The following CLTRN variants were observed in gnomAD, a reference collection of about 807,000 sequenced individuals.
CLTRN encodes the protein collectrin, amino acid transport regulator.
CLTRN carries 12 observed loss-of-function variants against 14.5 expected under a neutral mutation model. The observed-to-expected ratio is 0.83, with a 90% CI of 0.53 to 1.34. The LOEUF (loss-of-function observed/expected upper bound fraction) is 1.34, where lower values mean the gene tolerates loss of function less well. Ranked by LOEUF, CLTRN falls within the 40% of genes most tolerant of loss-of-function variation. The pLI is 0.00. For missense variants in CLTRN, 154 were observed against 165.1 expected (o/e 0.93, Z 0.37); for synonymous variants, 58 against 56.5 (o/e 1.03, Z -0.12).
chrX:15,659,064 G>T lies in CLTRN; in HGVS notation c.155C>A (p.Ala52Glu). Reference protein sequence around the residue: ...WDTNEEYLFKAMVAFSMRKVP... With the variant: ...WDTNEEYLFKEMVAFSMRKVP... ...TTTTCTCATGGAGAAAGCTACCATC[G>T]CTTTGAAGAGGTATTCTTCATTGGT... Residue 52 changes from alanine (A) to glutamate (E), a missense_variant, in exon 3 of 6, where the codon GCG becomes GAG. Physicochemically the swap from Ala to Glu is moderately radical, Grantham distance 107. Transcript: ENST00000380342. The T allele has an allele frequency of 8.5e-7, 1 of 1,178,429 alleles. No individual in the cohort carries two copies. The highest frequency in any genetic ancestry group is 1.8e-5 in the South Asian group (1 of 56,010).
Position 15,664,757 on chromosome X carries a change from A to T in CLTRN, c.19T>A (p.Phe7Ile). ...TCAGCATGAATGGCAGTCACCAGAAAAAAGAGCAGCCACAACATTCTTTCA... is the reference window on the plus strand; with the variant it reads ...TCAGCATGAATGGCAGTCACCAGAATAAAGAGCAGCCACAACATTCTTTCA... MLWLLF[F>I]LVTAIHAELC... Residue 7 changes from phenylalanine to isoleucine, a missense_variant, in exon 1 of 6, where the codon TTT (phenylalanine) becomes ATT (isoleucine). Phe to Ile is a conservative substitution (Grantham distance 21). Transcript: ENST00000380342. The T allele has an allele frequency of 8.3e-7, 1 of 1,210,985 alleles. No individual in the cohort carries two copies. Among genetic ancestry groups the T allele is most frequent in the African/African-American group, 1.7e-5 (1 of 57,804 alleles).
At chrX:15,633,269 C>T (rs1038821870) in intron 5 of CLTRN, among the ~76,000 whole-genome samples, 1 of 112,372 alleles carries the variant, frequency 8.9e-6, no homozygotes, top group African/African-American at 3.2e-5. Context: ...TATGCATCAT[C>T]TCACTTAATT....
intron 2 of CLTRN, among the ~76,000 whole-genome samples, 156 bp from the exon 3 acceptor site, chrX:15,659,257 C>T (rs1373784394): frequency 2.7e-5 from 3 of 110,358 alleles, no homozygotes; most frequent in Admixed American, 9.7e-5. Context: ...CTGGAGACCA[C>T]GATAAATTAT....
intron 5 of CLTRN, among the ~76,000 whole-genome samples, chrX:15,630,032 T>C (rs1370579749): frequency 9.0e-6 from 1 of 111,719 alleles, no homozygotes; most frequent in African/African-American, 3.3e-5. Context: ...TTCAACTGTA[T>C]GGGTAGATGA....
intron 1 of CLTRN, chrX:15,674,823 G>T (rs958378542): frequency 2.6e-5 from 3 of 113,257 alleles, no homozygotes; most frequent in African/African-American, 9.6e-5. Context: ...AAAAGTGGGT[G>T]GCCTGGGAAC....
chrX:15,659,329 T>C (rs1462876918), intron 2 of CLTRN, among the ~76,000 whole-genome samples: 1 of 111,315 alleles, frequency 9.0e-6, no homozygotes, highest in Non-Finnish European at 1.9e-5. Flanking sequence ...CCTGTTGCAC[T>C]ATCTTCCTAA....
rs1423505059 is a variant in CLTRN, at chrX:15,627,406, T to C, written c.*565A>G. On this transcript the variant is annotated 3_prime_UTR_variant, in exon 6 of 6. Transcript: ENST00000380342. Reference sequence around the variant, plus strand: ...TAGAAATGGTCAACAAATAGAATTGTCCTATTAGGGGCTGATATTCAGAAA... The same window carrying C: ...TAGAAATGGTCAACAAATAGAATTGCCCTATTAGGGGCTGATATTCAGAAA... 1 of 112,670 alleles carries C rather than the reference T, an allele frequency of 8.9e-6. No individual in the cohort carries two copies. The highest frequency in any genetic ancestry group is 2.8e-4 in the East Asian group (1 of 3,592). 9.3% of individuals were successfully genotyped at this position (112,670 alleles called of 1,213,427 possible).
At chrX:15,674,386 AGAG>A (rs1929778940) in intron 1 of CLTRN, among the ~76,000 whole-genome samples, 1 of 111,943 alleles carries the variant, frequency 8.9e-6, no homozygotes, top group African/African-American at 3.3e-5. Flanking sequence ...ATCAGGAAGT[AGAG>A]GAGTGTGCTT....
At chrX:15,645,908 T>A (rs904457363) in intron 3 of CLTRN, among the ~76,000 whole-genome samples, 2 of 113,027 alleles carry the variant, frequency 1.8e-5, no homozygotes, top group African/African-American at 6.4e-5. Flanking sequence ...GAATCTGATA[T>A]GAGTAAAGGA....
intron 3 of CLTRN, among the ~76,000 whole-genome samples, chrX:15,652,462 C>T (rs1258443051): frequency 9.7e-6 from 1 of 102,627 alleles, no homozygotes; most frequent in Non-Finnish European, 2.0e-5. Flanking sequence ...TAAACAGCAA[C>T]TTTACAGACA....
intron 4 of CLTRN, among the ~76,000 whole-genome samples, chrX:15,642,591 T>C: frequency 8.9e-6 from 1 of 112,241 alleles, no homozygotes. Context: ...GCACTTTGTG[T>C]AAAGGAATGA....
chrX:15,641,636 C>CTG (rs56407617), intron 4 of CLTRN, among the ~76,000 whole-genome samples: 36,146 of 88,103 alleles, frequency 0.41, 6,610 homozygotes, highest in East Asian at 0.62. Flanking sequence ...CCACACCTGG[C>CTG]TGTGTGTGTG....
At chrX:15,659,203 C>G (rs1929445936) in intron 2 of CLTRN, 102 bp from the exon 3 acceptor site, 1 of 356,553 alleles carries the variant, frequency 2.8e-6, no homozygotes, top group African/African-American at 2.6e-5. Flanking sequence ...CACACACACA[C>G]ACACACACAC....
chrX:15,668,364 G>A (rs1191990306), upstream of CLTRN, among the ~76,000 whole-genome samples: 1 of 112,289 alleles, frequency 8.9e-6, no homozygotes, highest in Non-Finnish European at 1.9e-5. Context: ...GATGTGTCAT[G>A]TGATACGAGC....
intron 3 of CLTRN, among the ~76,000 whole-genome samples, chrX:15,655,710 C>G (rs1009970908): frequency 8.9e-6 from 1 of 112,120 alleles, no homozygotes; most frequent in East Asian, 2.8e-4. Context: ...TCCAGATACA[C>G]TCTCAGTGGC....
chrX:15,664,780 T>C lies in CLTRN; in HGVS notation c.-5A>G. ...AAAAAAGAGCAGCCACAACATTCTT[T>C]CAGGGTGGAAAACACAAGGCAAAGT... On this transcript the variant is annotated 5_prime_UTR_variant, in exon 1 of 6. Coordinates refer to ENST00000380342, the MANE Select transcript of CLTRN (RefSeq NM_020665.6). 8.3e-7 allele frequency: 1 copy of C among 1,207,564 alleles called. No individual in the cohort carries two copies. The highest frequency in any genetic ancestry group is 1.1e-6 in the Non-Finnish European group (1 of 892,528).
chrX:15,640,229 C>T (rs925129583), intron 4 of CLTRN, among the ~76,000 whole-genome samples: 5 of 112,180 alleles, frequency 4.5e-5, no homozygotes, highest in African/African-American at 1.6e-4. Flanking sequence ...GTTACCACCC[C>T]TTTCCATAGC....
chrX:15,633,736 A>T (rs942916458), intron 5 of CLTRN, among the ~76,000 whole-genome samples: 21 of 111,644 alleles, frequency 1.9e-4, no homozygotes, highest in Non-Finnish European at 3.4e-4. Flanking sequence ...TTATGGGAAT[A>T]TAAGTATAAC....
chrX:15,652,128 T>C (rs1929232404), intron 3 of CLTRN, among the ~76,000 whole-genome samples: 1 of 112,293 alleles, frequency 8.9e-6, no homozygotes, highest in Admixed American at 9.4e-5. Flanking sequence ...CAGTTATAGA[T>C]TATGTGCAAC....
Sources: allele counts gnomAD v4.1 joint callset (sites outside exome capture counted in the v4.1 genomes callset), GRCh38; gene constraint gnomAD v4.1.1; transcripts MANE v1.5; gene names NCBI Gene and HGNC (gene_info 2026-07-23, HGNC 2026-07-21).